VWA3B: variants seen among roughly 807,000 people sequenced by gnomAD.
VWA3B encodes the protein von Willebrand factor A domain containing 3B, also known as von Willebrand factor A domain-containing protein 3B.
Under a neutral mutation model 158.3 loss-of-function variants are expected in VWA3B, and 138 were observed. The ratio of observed to expected loss-of-function variants is 0.87; its 90% CI spans 0.76 to 1.00. VWA3B has a LOEUF of 1.00. Among genes scored for constraint, VWA3B ranks in the 50% least tolerant of loss-of-function variants. VWA3B has a pLI of 0.00. For missense variants in VWA3B, 1,555 were observed against 1,565.1 expected, an observed-to-expected ratio of 0.99 and a Z score of 0.11; for synonymous variants, 596 against 587.3, an observed-to-expected ratio of 1.01 and a Z score of -0.21.
At chr2:98,127,978 A>G (rs1675515248) in intron 5 of VWA3B, among the ~76,000 whole-genome samples, 2 of 152,196 alleles carry the variant, frequency 1.3e-5, no homozygotes, top group Non-Finnish European at 2.9e-5. Context: ...GCCCAGAGGA[A>G]GTTCTCCAAA....
At chr2:98,244,804 C>T (rs756135851) in intron 19 of VWA3B, among the ~76,000 whole-genome samples, 3 of 152,100 alleles carry the variant, frequency 2.0e-5, no homozygotes, top group Non-Finnish European at 4.4e-5. Flanking sequence ...CAGTGCCTGG[C>T]AGAGAGTAAG....
rs1490251225 is a variant in VWA3B, at chr2:98,188,108, C to A, written c.1445C>A (p.Ala482Asp). The part of the protein sequence containing the change: ...CKWYSERIHT[A>D]LARIRRRIKW... ...TGGTACAGTGAGAGAATCCACACAG[C>A]CCTGGCCCGGATCCGAAGGAGGTTG... Residue 482 changes from alanine to aspartate, a missense_variant, in exon 10 of 28, where the codon GCC becomes GAC. Coordinates refer to ENST00000477737, the MANE Select transcript of VWA3B (RefSeq NM_144992.5). 1 of 1,612,878 alleles carries A rather than the reference C, an allele frequency of 6.2e-7. No individual in the cohort carries two copies. The highest frequency in any genetic ancestry group is 1.1e-5 in the South Asian group (1 of 90,782).
chr2:98,231,052 AAAAT>A (rs1225046374), intron 16 of VWA3B, among the ~76,000 whole-genome samples: 2 of 152,208 alleles, frequency 1.3e-5, no homozygotes. Context: ...CAAATAAAAT[AAAAT>A]AATTAGGTGA....
the VWA3B span, among the ~76,000 whole-genome samples, chr2:98,321,957 T>C: frequency 2.0e-5 from 3 of 152,276 alleles, no homozygotes; most frequent in African/African-American, 7.2e-5. Flanking sequence ...GGCAGGTCTT[T>C]CCCATGCTGT....
chr2:98,270,903 C>CT lies in VWA3B; in HGVS notation c.3045+21dup, dbSNP rs1186076021. On this transcript the variant is annotated intron_variant, in intron 22 of 27. Coordinates refer to ENST00000477737, the MANE Select transcript of VWA3B (RefSeq NM_144992.5). ...GGAGAGGTGGGTGCCCTGGAGGTCT[C>CT]TGTCTTTCCTCCCTCTCTGCCTATC... 2 of 1,611,182 alleles carry CT rather than the reference C, an allele frequency of 1.2e-6. No homozygotes were observed. The highest frequency in any genetic ancestry group is 4.5e-5 in the East Asian group (2 of 44,852).
At chr2:98,296,298 A>AGAC (rs922116338) in intron 23 of VWA3B, among the ~76,000 whole-genome samples, 1 of 152,260 alleles carries the variant, frequency 6.6e-6, no homozygotes, top group African/African-American at 2.4e-5. Context: ...GCGTGGCAGG[A>AGAC]GACGAGTCCC....
chr2:98,191,638 C>G (rs995405932), intron 10 of VWA3B, among the ~76,000 whole-genome samples: 2 of 152,194 alleles, frequency 1.3e-5, no homozygotes, highest in Admixed American at 6.5e-5. Flanking sequence ...TTTTCCTACT[C>G]TGGCTGGTAG....
intron 13 of VWA3B, 112 bp downstream of exon 13, chr2:98,212,140 C>A: frequency 3.7e-6 from 3 of 812,264 alleles, no homozygotes; most frequent in Non-Finnish European, 6.0e-6. Flanking sequence ...TGGACATATA[C>A]TTCCTTGGCT....
At chr2:98,208,990 T>C (rs1683263657) in intron 12 of VWA3B, among the ~76,000 whole-genome samples, 1 of 152,172 alleles carries the variant, frequency 6.6e-6, no homozygotes, top group Non-Finnish European at 1.5e-5. Context: ...TTTCCCCAGA[T>C]AGATGATTCA....
At chr2:98,159,467 T>G (rs1307633034) in intron 7 of VWA3B, among the ~76,000 whole-genome samples, 3 of 152,018 alleles carry the variant, frequency 2.0e-5, no homozygotes, top group African/African-American at 7.2e-5. Flanking sequence ...CAGGCTGGTC[T>G]CAAACACCAG....
chr2:98,091,833 T>C (rs1682313614), intron 1 of VWA3B, among the ~76,000 whole-genome samples: 1 of 152,240 alleles, frequency 6.6e-6, no homozygotes, highest in African/African-American at 2.4e-5. Flanking sequence ...TCAGTTTACA[T>C]GCATTGTGAA....
At chr2:98,181,706 C>G (rs1170168019) in intron 9 of VWA3B, among the ~76,000 whole-genome samples, 1 of 152,194 alleles carries the variant, frequency 6.6e-6, no homozygotes, top group Non-Finnish European at 1.5e-5. Flanking sequence ...ACTTTGAAAG[C>G]TGCAGTTCTA....
chr2:98,230,420 AG>A, intron 16 of VWA3B, among the ~76,000 whole-genome samples: 1 of 152,218 alleles, frequency 6.6e-6, no homozygotes, highest in Non-Finnish European at 1.5e-5. Flanking sequence ...GCAAAATAAT[AG>A]TCCAATATTA....
Position 98,187,364 on chromosome 2 carries a change from G to T in VWA3B, c.1312-611G>T, listed in dbSNP as rs576620341. 2.0e-5 allele frequency among the ~76,000 whole-genome samples: 3 copies of T among 152,142 alleles called. No homozygotes were observed. In the East Asian group the frequency reaches 5.8e-4, roughly 29 times the overall value. On this transcript the variant is annotated intron_variant, in intron 9 of 27. Transcript: ENST00000477737. ...TAGAAGGTCTCCTAAGAGGAGGAGC[G>T]CCGGTTGAGTGCCTGTGGGCCAAGT...
At chr2:98,290,698 G>A (rs778537638) in intron 23 of VWA3B, 76 bp downstream of exon 23, 1 of 1,032,914 alleles carries the variant, frequency 9.7e-7, no homozygotes, top group Non-Finnish European at 1.4e-6. Flanking sequence ...TTCAACCTGT[G>A]CTTTTGCTAG....
intron 2 of VWA3B, among the ~76,000 whole-genome samples, chr2:98,104,308 G>A (rs1425858877): frequency 3.9e-5 from 6 of 152,172 alleles, no homozygotes; most frequent in Non-Finnish European, 8.8e-5. Flanking sequence ...AAGAAGCATG[G>A]TACCAGCATC....
chr2:98,269,960 G>T (rs1049197686), intron 21 of VWA3B, among the ~76,000 whole-genome samples: 2 of 152,070 alleles, frequency 1.3e-5, no homozygotes, highest in Non-Finnish European at 2.9e-5. Flanking sequence ...GATGCTTTCA[G>T]CAATAAGAGT....
intron 25 of VWA3B, among the ~76,000 whole-genome samples, chr2:98,301,532 A>C (rs1450788817): frequency 1.3e-5 from 2 of 152,226 alleles, no homozygotes; most frequent in East Asian, 3.8e-4. Context: ...TGTGTCTGAC[A>C]GGTAGGTGTT....
At chr2:98,095,872 G>A (rs887642438) in intron 2 of VWA3B, among the ~76,000 whole-genome samples, 1 of 152,126 alleles carries the variant, frequency 6.6e-6, no homozygotes, top group African/African-American at 2.4e-5. Context: ...ATCTATTGAA[G>A]TGATTATGTA....
Sources: gnomAD v4.1 joint callset for allele counts (sites outside exome capture counted in the v4.1 genomes callset) on GRCh38, gnomAD v4.1.1 for gene constraint, MANE v1.5 for transcripts, NCBI Gene and HGNC (gene_info 2026-07-23, HGNC 2026-07-21) for gene names.